The following NHSL1 variants were observed in gnomAD, a reference collection of about 807,000 sequenced individuals.
NHSL1 encodes the protein NHS-like protein 1.
NHSL1 carries 48 observed loss-of-function variants against 95.0 expected under a neutral mutation model. That is an observed-to-expected ratio of 0.51 (90% CI 0.40 to 0.64). NHSL1 has a LOEUF of 0.64. Among genes scored for constraint, NHSL1 ranks in the 30% least tolerant of loss-of-function variants. The probability of loss-of-function intolerance (pLI) is 0.00; values close to 1 mark genes in which losing one functional copy is unlikely to be tolerated. For missense variants in NHSL1, 1,971 were observed against 2,077.7 expected (o/e 0.95, Z 1.00); for synonymous variants, 783 against 833.9 (o/e 0.94, Z 1.05).
intron 1 of NHSL1, among the ~76,000 whole-genome samples, chr6:138,562,712 A>G (rs2114315998): frequency 6.6e-6 from 1 of 152,116 alleles, no homozygotes; most frequent in South Asian, 2.1e-4. Flanking sequence ...TTTCATTACT[A>G]CTTTTCCTCA....
At chr6:138,563,592 A>G (rs1230439192) in intron 1 of NHSL1, among the ~76,000 whole-genome samples, 1 of 152,258 alleles carries the variant, frequency 6.6e-6, no homozygotes, top group East Asian at 1.9e-4. Flanking sequence ...TTGTAGGCTT[A>G]CAGCATATCT....
chr6:138,586,144 G>A (rs1349868336), intron 1 of NHSL1, among the ~76,000 whole-genome samples: 3 of 151,478 alleles, frequency 2.0e-5, no homozygotes, highest in Admixed American at 2.0e-4. Context: ...GCCCAGGCTG[G>A]AGTGCAGTGG....
intron 1 of NHSL1, among the ~76,000 whole-genome samples, chr6:138,582,080 A>G (rs551038254): frequency 1.2e-3 from 188 of 152,048 alleles, no homozygotes; most frequent in Non-Finnish European, 2.3e-3. Flanking sequence ...TATTTTTAGT[A>G]GAGACGGGCT....
chr6:138,428,306 G>A (rs893538919), intron 7 of NHSL1, among the ~76,000 whole-genome samples: 8 of 152,218 alleles, frequency 5.3e-5, no homozygotes, highest in Non-Finnish European at 8.8e-5. Flanking sequence ...TTAAATACCA[G>A]TTGGTTTCAT....
chr6:138,554,215 T>C (rs879681697), intron 1 of NHSL1, among the ~76,000 whole-genome samples: 1 of 152,186 alleles, frequency 6.6e-6, no homozygotes, highest in African/African-American at 2.4e-5. Context: ...AATAACCTCA[T>C]AGGAAAGATA....
chr6:138,464,719 T>C (rs1466168121), intron 3 of NHSL1, among the ~76,000 whole-genome samples: 2 of 144,876 alleles, frequency 1.4e-5, no homozygotes, highest in Admixed American at 6.9e-5. Context: ...TCTTTTCTTT[T>C]TTTTTTTTTT....
chr6:138,447,177 G>A lies in NHSL1; in HGVS notation c.356C>T (p.Ser119Leu). The A allele has an allele frequency of 6.4e-7, 1 of 1,550,962 alleles. No homozygotes were observed. The change falls in exon 4 of 8, where the codon TCA becomes TTA. Residue 119 changes from serine (S) to leucine (L), a missense_variant. Physicochemically the swap from Ser to Leu is moderately radical, Grantham distance 145 (BLOSUM62 -2). Around this residue, in one of 3 missense-constraint regions of NHSL1, gnomAD observed 1,602 missense variants for 1,654.5 expected, o/e 0.97. Transcript: ENST00000343505. The stretch of plus-strand genomic sequence containing the variant: ...GATGGAAATAAATCTTTCTTCTTCT[G>A]ATGAAGACAGAGAACACTGCAGAGA... ...ETDQKCSLSSSEEERFISIRR... is the reference protein window; with the variant it reads ...ETDQKCSLSSLEEERFISIRR...
intron 3 of NHSL1, among the ~76,000 whole-genome samples, chr6:138,471,376 G>A (rs1381029808): frequency 6.6e-6 from 1 of 152,040 alleles, no homozygotes; most frequent in Non-Finnish European, 1.5e-5. Flanking sequence ...TGAATAAACA[G>A]AAGTCCTACT....
chr6:138,424,691 G>GAA lies in NHSL1; in HGVS notation c.4210_4211insTT (p.Ser1404PhefsTer22). 1 of 1,551,514 alleles carries GAA rather than the reference G, an allele frequency of 6.4e-7. No homozygotes were observed. The highest frequency in any genetic ancestry group is 8.7e-7 in the Non-Finnish European group (1 of 1,146,958). Reference sequence around the variant, plus strand: ...GCTCTTTCGGATGCTTCTCTGAATCGACCCCACTTGCTTTGGAGAGGCCAG... The same window carrying GAA: ...GCTCTTTCGGATGCTTCTCTGAATCGAAACCCCACTTGCTTTGGAGAGGCCAG... On this transcript the variant is annotated frameshift_variant, in exon 8 of 8. Transcript: ENST00000343505. LOFTEE classifies it low-confidence loss of function (END_TRUNC). The surrounding 1 kb of genome is among the most constrained non-coding windows in gnomAD (Gnocchi z 5.9).
chr6:138,583,981 C>T (rs3935783), intron 1 of NHSL1, among the ~76,000 whole-genome samples: 54,715 of 151,816 alleles, frequency 0.36, 10,780 homozygotes, highest in African/African-American at 0.52. Context: ...GAGCTGGATG[C>T]GGTGGTGCTC....
At chr6:138,492,369 G>A (rs969966726) in intron 2 of NHSL1, among the ~76,000 whole-genome samples, 4 of 152,128 alleles carry the variant, frequency 2.6e-5, no homozygotes, top group African/African-American at 9.7e-5. Flanking sequence ...CAGTAAGCTT[G>A]CAGTAGCAAA....
chr6:138,432,377 A>C lies in NHSL1; in HGVS notation c.1968T>G (p.Asp656Glu). The C allele has an allele frequency of 6.4e-7, 1 of 1,552,028 alleles. No homozygotes were observed. Among genetic ancestry groups the C allele is most frequent in the Non-Finnish European group, 8.7e-7 (1 of 1,147,082 alleles). ...AAGAGATGTTTCTTGATAGGGATTT[A>C]TCCTGGTAATTGGACCGGTCCCCTT... is the stretch of plus-strand genomic sequence containing the variant. Reference protein sequence around the residue: ...KNQGDRSNYQDKSLSRNISLK... With the variant: ...KNQGDRSNYQEKSLSRNISLK... Residue 656 changes from aspartate (D) to glutamate (E), a missense_variant, in exon 6 of 8, where the codon GAT becomes GAG. Asp to Glu is a conservative substitution (Grantham distance 45, BLOSUM62 2). Transcript: ENST00000343505. This position sits in a 1 kb window ranked among gnomAD's most constrained non-coding sequence, Gnocchi z 4.4.
chr6:138,661,168 A>C (rs1785222622), intron 1 of NHSL1, among the ~76,000 whole-genome samples: 1 of 152,160 alleles, frequency 6.6e-6, no homozygotes, highest in South Asian at 2.1e-4. Context: ...TTCTCTTAAC[A>C]AATTTCATAC....
chr6:138,558,027 G>A (rs1444959974), intron 1 of NHSL1, among the ~76,000 whole-genome samples: 1 of 152,190 alleles, frequency 6.6e-6, no homozygotes, highest in Non-Finnish European at 1.5e-5. Flanking sequence ...CTACAAATAA[G>A]TAAAAGGCAT....
intron 1 of NHSL1, among the ~76,000 whole-genome samples, chr6:138,509,488 G>A (rs1190333367): frequency 6.6e-6 from 1 of 152,076 alleles, no homozygotes; most frequent in African/African-American, 2.4e-5. Flanking sequence ...ATTTTTTAAC[G>A]TAGAAAAAAA....
In NHSL1 at chr6:138,662,813, G is replaced by GA. The variant is rs1261721794; in HGVS notation, c.96+29662dup. On this transcript the variant is annotated intron_variant, in intron 1 of 3. Transcript: ENST00000491526. ...AGGGGAAAAAAAACCTGTCTCAGAA[G>GA]AAAAAAAAAATCAGTCATGTACCTA... is the stretch of plus-strand genomic sequence containing the variant. 3.7e-3 allele frequency among the ~76,000 whole-genome samples: 552 copies of GA among 147,804 alleles called. 4 individuals are homozygous for GA. Among genetic ancestry groups the GA allele is most frequent in the African/African-American group, 8.6e-3 (347 of 40,408 alleles).
chr6:138,556,197 C>T (rs1783190331), intron 1 of NHSL1, among the ~76,000 whole-genome samples: 1 of 151,802 alleles, frequency 6.6e-6, no homozygotes, highest in African/African-American at 2.4e-5. Context: ...TAGGTAAACA[C>T]AAAAGTCAGA....
At chr6:138,501,259 GCAC>G (rs1414839128), upstream of NHSL1, among the ~76,000 whole-genome samples, 1 of 152,140 alleles carries the variant, frequency 6.6e-6, no homozygotes, top group Admixed American at 6.5e-5. Context: ...TAAATACCAG[GCAC>G]CGATGCTAAC....
At chr6:138,536,528 A>G (rs1440813422) in intron 1 of NHSL1, among the ~76,000 whole-genome samples, 1 of 151,912 alleles carries the variant, frequency 6.6e-6, no homozygotes, top group Non-Finnish European at 1.5e-5. Flanking sequence ...TACAGACATC[A>G]CAAATTTAAT....
Sources: gnomAD v4.1 joint callset for allele counts (sites outside exome capture counted in the v4.1 genomes callset) on GRCh38, gnomAD v4.1.1 for gene constraint, gnomAD v4.1.1 regional missense constraint, Gnocchi (gnomAD v3.1) non-coding constraint, MANE v1.5 for transcripts, NCBI Gene and HGNC (gene_info 2026-07-23, HGNC 2026-07-21) for gene names.